TBC1D4: variants seen among roughly 807,000 people sequenced by gnomAD.
TBC1D4 encodes the protein TBC (Tre-2, BUB2, CDC16) domain-containing protein.
TBC1D4 carries 121 observed loss-of-function variants against 142.5 expected under a neutral mutation model. The ratio of observed to expected loss-of-function variants is 0.85; its 90% confidence interval spans 0.73 to 0.99. The LOEUF (loss-of-function observed/expected upper bound fraction) is 0.99. TBC1D4 is among the 50% of genes least tolerant of loss of function. The pLI is 0.00. For missense variants in TBC1D4, 1,475 were observed against 1,606.6 expected (o/e 0.92, Z 1.40); for synonymous variants, 630 against 628.2 (o/e 1.00, Z -0.04).
At chr13:75,302,458 T>G in intron 15 of TBC1D4, 57 bp from the exon 16 acceptor site, 4 of 1,602,238 alleles carry the variant, frequency 2.5e-6, no homozygotes, top group Non-Finnish European at 3.4e-6. Context: ...AGTTGATAGA[T>G]CCCAGCTGAT....
intron 1 of TBC1D4, among the ~76,000 whole-genome samples, chr13:75,433,741 T>C (rs1409817862): frequency 6.6e-6 from 1 of 152,102 alleles, no homozygotes; most frequent in African/African-American, 2.4e-5. Context: ...AACCTATGAA[T>C]GCGAAAAAAT....
chr13:75,340,299 A>G (rs1361542920), intron 7 of TBC1D4, among the ~76,000 whole-genome samples: 2 of 152,210 alleles, frequency 1.3e-5, no homozygotes, highest in Non-Finnish European at 2.9e-5. Flanking sequence ...TCAAGAGTAA[A>G]TATTTCACAA....
intron 1 of TBC1D4, among the ~76,000 whole-genome samples, chr13:75,396,966 C>T (rs776086036): frequency 2.6e-5 from 4 of 152,152 alleles, no homozygotes; most frequent in Non-Finnish European, 4.4e-5. Context: ...AAACAGGAAG[C>T]CATACAATCT....
In TBC1D4 at chr13:75,354,959, G is replaced by C. The variant is rs549207324; in HGVS notation, c.1275+1188C>G. Among the ~76,000 whole-genome samples, 44 of 152,284 alleles carry C rather than the reference G, an allele frequency of 2.9e-4. 1 individual carries two copies. The South Asian group carries it at 8.7e-3, about 30-fold the overall frequency. On this transcript the variant is annotated intron_variant, in intron 4 of 20. Coordinates refer to ENST00000377636, the MANE Select transcript of TBC1D4 (RefSeq NM_014832.5). The stretch of plus-strand genomic sequence containing the variant: ...GATATTGCATAGGTGTGGTTATTTA[G>C]AGGGAGAACAAAACTCAAATGGAAC...
chr13:75,386,223 CA>C, intron 1 of TBC1D4, among the ~76,000 whole-genome samples: 1 of 151,868 alleles, frequency 6.6e-6, no homozygotes, highest in Non-Finnish European at 1.5e-5. Context: ...AAATTTGGAC[CA>C]AAAACCATGA....
At chr13:75,480,734 C>T (rs1446321676) in intron 1 of TBC1D4, among the ~76,000 whole-genome samples, 2 of 152,234 alleles carry the variant, frequency 1.3e-5, no homozygotes, top group African/African-American at 4.8e-5. Flanking sequence ...AAATTGCCTC[C>T]CAGACCGGAG....
rs575720387 is a variant in TBC1D4 at position 75,284,426 on chromosome 13, T to C, written c.*2366A>G. ...ACAGATCATCAGGCATTCGATTCTCTTAAGGAACACAAAACATAGATCTCC... is the reference window on the plus strand; with the variant it reads ...ACAGATCATCAGGCATTCGATTCTCCTAAGGAACACAAAACATAGATCTCC... On this transcript the variant is annotated 3_prime_UTR_variant, in exon 21 of 21. Transcript: ENST00000377636. 6.6e-5 allele frequency among the ~76,000 whole-genome samples: 10 copies of C among 152,172 alleles called. No individual in the cohort carries two copies. The highest frequency in any genetic ancestry group is 1.5e-4 in the Non-Finnish European group (10 of 68,020).
chr13:75,362,598 C>A lies in TBC1D4; in HGVS notation c.508G>T (p.Val170Phe), dbSNP rs370699144. ...RATDPSQVPD[V>F]ISSIRQLSKA... ...GATAATTGCCTTATGCTGCTAATAA[C>A]ATCAGGAACCTGGGGGAAAAAATTA... Residue 170 changes from valine (V) to phenylalanine (F), a missense_variant, in exon 2 of 21, where the codon GTT (valine) becomes TTT (phenylalanine). Physicochemically the swap from Val to Phe is conservative, Grantham distance 50. Transcript: ENST00000377636. This position sits in a 1 kb window ranked among gnomAD's most constrained non-coding sequence, Gnocchi z 4.2. 6.2e-7 allele frequency: 1 copy of A among 1,613,942 alleles called. No individual in the cohort carries two copies.
At chr13:75,388,840 G>T (rs1884320228) in intron 1 of TBC1D4, among the ~76,000 whole-genome samples, 1 of 152,122 alleles carries the variant, frequency 6.6e-6, no homozygotes, top group Admixed American at 6.6e-5. Flanking sequence ...TCAATGATCT[G>T]CTCACCATAT....
chr13:75,481,195 T>TGCCCCC, intron 1 of TBC1D4, 75 bp downstream of exon 1: 2 of 1,292,704 alleles, frequency 1.5e-6, no homozygotes, highest in Non-Finnish European at 2.1e-6. Context: ...TAAAGTGGGG[T>TGCCCCC]CCCCGCCCCT....
At chr13:75,426,714 T>C (rs1262698097) in intron 1 of TBC1D4, among the ~76,000 whole-genome samples, 1 of 151,866 alleles carries the variant, frequency 6.6e-6, no homozygotes, top group Non-Finnish European at 1.5e-5. Flanking sequence ...AGAAAAAGCA[T>C]CCCCAAAACA....
At chr13:75,323,722 G>A (rs1409168386) in intron 11 of TBC1D4, among the ~76,000 whole-genome samples, 3 of 152,036 alleles carry the variant, frequency 2.0e-5, no homozygotes, top group Non-Finnish European at 2.9e-5. Flanking sequence ...ACCATTATGC[G>A]ATTTATATTG....
In TBC1D4 at chr13:75,313,706, C is replaced by T. The variant is rs374215477; in HGVS notation, c.2223-808G>A. Among the ~76,000 whole-genome samples, 4 of 152,160 alleles carry T rather than the reference C, an allele frequency of 2.6e-5. No homozygotes were observed. The East Asian group carries it at 7.8e-4, about 29-fold the overall frequency. Reference sequence around the variant, plus strand: ...CTGGCTATTTTTTTAAAAAAATCTTCGTAGAGACCGGGTCCCATTGTGTTG... The same window carrying T: ...CTGGCTATTTTTTTAAAAAAATCTTTGTAGAGACCGGGTCCCATTGTGTTG... On this transcript the variant is annotated intron_variant, in intron 12 of 20. Transcript: ENST00000377636.
chr13:75,350,347 T>C (rs1056502086), intron 4 of TBC1D4, among the ~76,000 whole-genome samples: 2 of 152,192 alleles, frequency 1.3e-5, no homozygotes, highest in African/African-American at 4.8e-5. Context: ...TTTCAGTATA[T>C]GAGGAAACTG....
At chr13:75,447,596 T>C (rs944374771) in intron 1 of TBC1D4, among the ~76,000 whole-genome samples, 1 of 151,440 alleles carries the variant, frequency 6.6e-6, no homozygotes, top group Non-Finnish European at 1.5e-5. Context: ...ATACTTTATA[T>C]ACACACACAC....
chr13:75,357,293 C>T (rs570535225), intron 3 of TBC1D4, among the ~76,000 whole-genome samples: 2 of 152,266 alleles, frequency 1.3e-5, no homozygotes, highest in South Asian at 4.1e-4. Flanking sequence ...AAAGTCAGTA[C>T]AGAGGAGAGA....
In TBC1D4 at chr13:75,381,028, T is replaced by C. The variant is rs183109182; in HGVS notation, c.499-18421A>G. ...TTTTAAAACTCTCTTAACTTCAGTA[T>C]CATCCTCTATAAAATAGGGATAATA... On this transcript the variant is annotated intron_variant, in intron 1 of 20. Transcript: ENST00000377636. Among the ~76,000 whole-genome samples the C allele has an allele frequency of 2.7e-3, 414 of 152,302 alleles. 3 individuals are homozygous for C. The highest frequency in any genetic ancestry group is 9.6e-3 in the African/African-American group (401 of 41,580).
chr13:75,431,229 A>G (rs544989649), intron 1 of TBC1D4, among the ~76,000 whole-genome samples: 2 of 152,330 alleles, frequency 1.3e-5, no homozygotes, highest in African/African-American at 2.4e-5. Context: ...ATCATTATGA[A>G]CAACCTGAGT....
intron 1 of TBC1D4, among the ~76,000 whole-genome samples, chr13:75,449,593 T>C (rs976109056): frequency 2.0e-5 from 3 of 151,630 alleles, no homozygotes; most frequent in African/African-American, 7.3e-5. Context: ...CATAGTTTTT[T>C]TTTTTTTTTT....
Sources: gnomAD v4.1 joint callset for allele counts (sites outside exome capture counted in the v4.1 genomes callset) on GRCh38, gnomAD v4.1.1 for gene constraint, Gnocchi (gnomAD v3.1) non-coding constraint, MANE v1.5 for transcripts, NCBI Gene and HGNC (gene_info 2026-07-23, HGNC 2026-07-21) for gene names.